The following TMEM132D variants were observed in gnomAD, a reference collection of about 807,000 sequenced individuals.
TMEM132D encodes the protein transmembrane protein 132D, also known as mature OL transmembrane protein.
In TMEM132D, 21 loss-of-function variants were observed where a neutral mutation model predicts 62.3. The observed-to-expected ratio is 0.34, with a 90% CI of 0.24 to 0.49. TMEM132D has a LOEUF of 0.49. Among genes scored for constraint, TMEM132D ranks in the 20% least tolerant of loss-of-function variants. The pLI is 0.99. For missense variants in TMEM132D, 1,346 were observed against 1,402.8 expected (o/e 0.96, Z 0.65); for synonymous variants, 621 against 575.6 (o/e 1.08, Z -1.13).
intron 4 of TMEM132D, among the ~76,000 whole-genome samples, chr12:129,255,905 T>C (rs189441773): frequency 5.9e-5 from 9 of 152,348 alleles, no homozygotes; most frequent in Admixed American, 4.6e-4. Flanking sequence ...CCAATTGCTA[T>C]GTCCTTGGGG....
At chr12:129,346,907 C>G (rs1241812134) in intron 3 of TMEM132D, among the ~76,000 whole-genome samples, 1 of 152,096 alleles carries the variant, frequency 6.6e-6, no homozygotes, top group African/African-American at 2.4e-5. Context: ...TTCCCATACA[C>G]TAATAATAGA....
At chr12:129,202,131 T>C (rs1878722623) in intron 5 of TMEM132D, among the ~76,000 whole-genome samples, 1 of 152,208 alleles carries the variant, frequency 6.6e-6, no homozygotes, top group Non-Finnish European at 1.5e-5. Flanking sequence ...GGTTTTGATG[T>C]GGCTGGGGAA....
At chr12:129,797,412 A>G (rs1191297684) in intron 1 of TMEM132D, among the ~76,000 whole-genome samples, 1 of 152,242 alleles carries the variant, frequency 6.6e-6, no homozygotes, top group African/African-American at 2.4e-5. Flanking sequence ...TTCCCTGCAC[A>G]GGAACACCCA....
intron 2 of TMEM132D, among the ~76,000 whole-genome samples, chr12:129,697,558 C>T (rs1881237226): frequency 6.6e-6 from 1 of 152,194 alleles, no homozygotes; most frequent in African/African-American, 2.4e-5. Flanking sequence ...TGAAACATTT[C>T]CTTCATTGTT....
chr12:129,387,960 A>G lies in TMEM132D; in HGVS notation c.1116-50143T>C, dbSNP rs11060300. 7.3e-4 allele frequency among the ~76,000 whole-genome samples: 60 copies of G among 81,724 alleles called. 3 individuals are homozygous for G. Among genetic ancestry groups the G allele is most frequent in the East Asian group, 1.2e-3 (4 of 3,282 alleles). The allele number at this position is 81,724 out of a possible 152,430, so 53.6% of individuals were successfully genotyped here. A position where few individuals can be genotyped will look rare whatever the true frequency, so the allele number is the denominator to read the frequency against. On this transcript the variant is annotated intron_variant, in intron 3 of 8. Coordinates refer to ENST00000422113, the MANE Select transcript of TMEM132D (RefSeq NM_133448.3). Reference sequence around the variant, plus strand: ...ACACCAACACCAATCCAGCACTGACAATAATATGAACACTAACACGAATCC... The same window carrying G: ...ACACCAACACCAATCCAGCACTGACGATAATATGAACACTAACACGAATCC...
At chr12:129,260,726 C>T (rs1353000785) in intron 4 of TMEM132D, among the ~76,000 whole-genome samples, 4 of 152,144 alleles carry the variant, frequency 2.6e-5, no homozygotes. Context: ...TTTGCATCCT[C>T]GTAGCTTTAA....
chr12:129,528,159 G>A (rs1030256653), intron 3 of TMEM132D, among the ~76,000 whole-genome samples: 11 of 152,158 alleles, frequency 7.2e-5, no homozygotes, highest in Admixed American at 2.0e-4. Context: ...AAGCAAAACA[G>A]CTTCTGAAGC....
intron 3 of TMEM132D, among the ~76,000 whole-genome samples, chr12:129,409,962 G>A (rs1871915877): frequency 6.6e-6 from 1 of 152,180 alleles, no homozygotes; most frequent in Non-Finnish European, 1.5e-5. Flanking sequence ...GTATGCCTAA[G>A]AACGTCACTT....
chr12:129,645,068 G>C (rs1388180684), intron 2 of TMEM132D, among the ~76,000 whole-genome samples: 1 of 150,782 alleles, frequency 6.6e-6, no homozygotes, highest in African/African-American at 2.4e-5. Context: ...AAGTAGCCTT[G>C]CAAGGCTGTC....
intron 1 of TMEM132D, among the ~76,000 whole-genome samples, chr12:129,736,746 G>C (rs1349047984): frequency 1.3e-5 from 2 of 151,468 alleles, no homozygotes; most frequent in East Asian, 1.9e-4. Flanking sequence ...GACAATCTTA[G>C]GCCTAAATAT....
At position 129,254,864 on chromosome 12, in the gene TMEM132D, A is replaced by G. The variant is rs1258558297; in HGVS notation, c.1300-45201T>C. 2.6e-5 allele frequency among the ~76,000 whole-genome samples: 4 copies of G among 152,092 alleles called. No homozygotes were observed. In the East Asian group the frequency reaches 7.7e-4, roughly 29 times the overall value. The stretch of plus-strand genomic sequence containing the variant: ...ATTTTCATCTCACCCTAGGCTGTCC[A>G]TATGTAGTAGTTAGGTGGTATGATT... On this transcript the variant is annotated intron_variant, in intron 4 of 8. Transcript: ENST00000422113.
chr12:129,404,126 A>C (rs1262057521), intron 3 of TMEM132D, among the ~76,000 whole-genome samples: 1 of 152,156 alleles, frequency 6.6e-6, no homozygotes, highest in Non-Finnish European at 1.5e-5. Flanking sequence ...TTCTTTTTTA[A>C]AAAGAAAATT....
chr12:129,156,573 C>T (rs1877252303), intron 5 of TMEM132D, among the ~76,000 whole-genome samples: 1 of 152,058 alleles, frequency 6.6e-6, no homozygotes. Flanking sequence ...CAACCTACTC[C>T]CCAGATAAAT....
At chr12:129,443,518 A>G (rs1473044715) in intron 3 of TMEM132D, among the ~76,000 whole-genome samples, 2 of 151,444 alleles carry the variant, frequency 1.3e-5, no homozygotes, top group East Asian at 1.9e-4. Flanking sequence ...TACCCTCTCC[A>G]TCTCCCTCCC....
chr12:129,625,507 C>T (rs2137162895), intron 2 of TMEM132D, among the ~76,000 whole-genome samples: 1 of 152,286 alleles, frequency 6.6e-6, no homozygotes, highest in East Asian at 1.9e-4. Context: ...GAATTTTTCT[C>T]CTGGACTGAC....
At chr12:129,342,542 A>T (rs1407814794) in intron 3 of TMEM132D, among the ~76,000 whole-genome samples, 2 of 152,172 alleles carry the variant, frequency 1.3e-5, no homozygotes, top group Non-Finnish European at 2.9e-5. Flanking sequence ...AAAACACCAA[A>T]AGCAATGGCA....
rs1459409573 is a variant in TMEM132D, at chr12:129,700,208, C to A, written c.570G>T (p.Gly190=). 3 of 1,612,862 alleles carry A rather than the reference C, an allele frequency of 1.9e-6. No homozygotes were observed. Among genetic ancestry groups the A allele is most frequent in the Non-Finnish European group, 2.5e-6 (3 of 1,179,942 alleles). ...GGAGCTCCAGCTCGGCCACGCACAG[C>A]CCCAGGTCCCCCTGCAGCCGGCAGC... ...RGSCRLQGDL[G]LCVAELELLS... is the part of the protein sequence containing the mutation. Residue 190 remains glycine, a synonymous_variant, in exon 2 of 9, where the codon GGG becomes GGT. Coordinates refer to ENST00000422113, the MANE Select transcript of TMEM132D (RefSeq NM_133448.3).
intron 4 of TMEM132D, among the ~76,000 whole-genome samples, chr12:129,224,097 C>G (rs1210034209): frequency 1.3e-5 from 2 of 152,186 alleles, no homozygotes; most frequent in African/African-American, 4.8e-5. Context: ...AAAAATCACT[C>G]TCAGTTAAGA....
At chr12:129,213,775 A>C (rs1247664788) in intron 4 of TMEM132D, among the ~76,000 whole-genome samples, 1 of 152,004 alleles carries the variant, frequency 6.6e-6, no homozygotes, top group East Asian at 1.9e-4. Flanking sequence ...GACTTTACCT[A>C]CTCATGAGGG....
Sources: gnomAD v4.1 joint callset for allele counts (sites outside exome capture counted in the v4.1 genomes callset) on GRCh38, gnomAD v4.1.1 for gene constraint, MANE v1.5 for transcripts, NCBI Gene and HGNC (gene_info 2026-07-23, HGNC 2026-07-21) for gene names.